Variants in GALNT13 observed in about 807,000 individuals in gnomAD.
GALNT13 encodes UDP-GalNAc:polypeptide N-acetylgalactosaminyltransferase 13.
Under a neutral mutation model 64.2 loss-of-function variants are expected in GALNT13, and 28 were observed. The ratio of observed to expected loss-of-function variants is 0.44; its 90% confidence interval spans 0.32 to 0.60. GALNT13 has a LOEUF of 0.60. GALNT13 is among the 20% of genes least tolerant of loss of function. GALNT13 has a pLI of 0.05. For synonymous variants in GALNT13, 214 were observed against 224.6 expected (o/e 0.95, Z 0.42); for missense variants, 577 against 669.8 (o/e 0.86, Z 1.53).
intron 3 of GALNT13, among the ~76,000 whole-genome samples, chr2:154,128,102 T>C (rs1260078926): frequency 2.0e-5 from 3 of 152,068 alleles, no homozygotes; most frequent in African/African-American, 7.2e-5. Context: ...CAGGGTATGT[T>C]TGACAATGTT....
rs150006250 is a variant in GALNT13, at chr2:154,119,278, G to T, written c.143-21059G>T. ...ATTCAAATTTCTCTTGGCCTGTAGG[G>T]TTTCTTCTAAGAAATATGTTGACAG... On this transcript the variant is annotated intron_variant, in intron 3 of 12. Coordinates refer to ENST00000392825, the MANE Select transcript of GALNT13 (RefSeq NM_052917.4). 7.0e-3 allele frequency among the ~76,000 whole-genome samples: 1,062 copies of T among 152,156 alleles called. 11 individuals carry two copies. Among genetic ancestry groups the T allele is most frequent in the African/African-American group, 0.024 (979 of 41,512 alleles).
At chr2:153,162,883 G>C in the GALNT13 span, among the ~76,000 whole-genome samples, 27 of 152,224 alleles carry the variant, frequency 1.8e-4, no homozygotes, top group Admixed American at 3.3e-4. Flanking sequence ...AGTATGCTGA[G>C]GTGACATCAA....
the GALNT13 span, among the ~76,000 whole-genome samples, chr2:153,451,098 CAAAAAGTATTAT>C: frequency 3.9e-5 from 6 of 151,948 alleles, no homozygotes; most frequent in African/African-American, 1.5e-4. Context: ...CAGCCTCCAT[CAAAAAGTATTAT>C]AATTAAGTAT....
chr2:154,383,363 G>A (rs914751833), intron 9 of GALNT13, among the ~76,000 whole-genome samples: 8 of 151,680 alleles, frequency 5.3e-5, no homozygotes, highest in Non-Finnish European at 1.2e-4. Context: ...TGTATAAATA[G>A]AAATCTTTAG....
In GALNT13 at chr2:154,014,551, G is replaced by C. The variant is rs139279309; in HGVS notation, c.142+69912G>C. Reference sequence around the variant, plus strand: ...GTATTCCCAGTGCCTGGCTGTGTCAGGTCAGCCATCTTGGCTCTTTCCTCT... The same window carrying C: ...GTATTCCCAGTGCCTGGCTGTGTCACGTCAGCCATCTTGGCTCTTTCCTCT... On this transcript the variant is annotated intron_variant, in intron 3 of 12. Transcript: ENST00000392825. 3.9e-3 allele frequency among the ~76,000 whole-genome samples: 579 copies of C among 146,672 alleles called. 2 individuals carry two copies. Among genetic ancestry groups the C allele is most frequent in the African/African-American group, 0.014 (555 of 39,502 alleles).
the GALNT13 span, among the ~76,000 whole-genome samples, chr2:153,162,998 C>A: frequency 6.6e-6 from 1 of 152,058 alleles, no homozygotes; most frequent in African/African-American, 2.4e-5. Context: ...GACAGTGAGG[C>A]CAGAAGAAGA....
intron 1 of GALNT13, among the ~76,000 whole-genome samples, chr2:153,884,829 G>A (rs150271839): frequency 3.0e-3 from 196 of 66,224 alleles, no homozygotes; most frequent in South Asian, 4.1e-3. Flanking sequence ...GTATATATAT[G>A]TGTGTGTGTG....
intron 4 of GALNT13, among the ~76,000 whole-genome samples, chr2:154,143,548 AT>A (rs59907351): frequency 0.75 from 111,604 of 148,560 alleles, 42,079 homozygotes; most frequent in East Asian, 0.94. Context: ...ATAGCCAGTG[AT>A]TTTTTTTTTT....
intron 11 of GALNT13, among the ~76,000 whole-genome samples, chr2:154,413,166 C>T (rs1157064320): frequency 6.6e-6 from 1 of 151,820 alleles, no homozygotes; most frequent in Non-Finnish European, 1.5e-5. Flanking sequence ...GAATCTATAG[C>T]CAGTTAATTA....
At chr2:154,284,733 CG>C (rs1383654727) in intron 8 of GALNT13, among the ~76,000 whole-genome samples, 1 of 152,086 alleles carries the variant, frequency 6.6e-6, no homozygotes, top group Non-Finnish European at 1.5e-5. Flanking sequence ...TGGATCATAT[CG>C]TAATTCCAGT....
At chr2:154,151,382 A>C (rs1342175075) in intron 4 of GALNT13, among the ~76,000 whole-genome samples, 3 of 152,062 alleles carry the variant, frequency 2.0e-5, no homozygotes, top group African/African-American at 7.2e-5. Flanking sequence ...GGTGTGGTGC[A>C]GTGCTGAAAA....
chr2:153,630,688 TAAA>T, the GALNT13 span, among the ~76,000 whole-genome samples: 1 of 122,962 alleles, frequency 8.1e-6, no homozygotes, highest in African/African-American at 3.0e-5. Context: ...TAAAAAAAAT[TAAA>T]AAAAATTAAT....
chr2:154,369,669 A>G (rs573082506), intron 9 of GALNT13, among the ~76,000 whole-genome samples: 1 of 152,276 alleles, frequency 6.6e-6, no homozygotes, highest in South Asian at 2.1e-4. Context: ...TTAAGTTTCA[A>G]CATGAGGTTT....
chr2:153,629,604 T>TA, the GALNT13 span, among the ~76,000 whole-genome samples: 1 of 152,122 alleles, frequency 6.6e-6, no homozygotes, highest in South Asian at 2.1e-4. Flanking sequence ...ACTTCATGTC[T>TA]AAAACACCAA....
intron 11 of GALNT13, among the ~76,000 whole-genome samples, chr2:154,428,449 T>A (rs1700563847): frequency 6.6e-6 from 1 of 152,214 alleles, no homozygotes; most frequent in Non-Finnish European, 1.5e-5. Context: ...ATGATAGAGC[T>A]GCACCAAATA....
chr2:153,528,708 G>A, the GALNT13 span, among the ~76,000 whole-genome samples: 1 of 151,824 alleles, frequency 6.6e-6, no homozygotes, highest in African/African-American at 2.4e-5. Flanking sequence ...AAAACCCTGA[G>A]TAATATCAAC....
At chr2:153,721,660 C>A in the GALNT13 span, among the ~76,000 whole-genome samples, 1 of 151,196 alleles carries the variant, frequency 6.6e-6, no homozygotes, top group Admixed American at 6.6e-5. Flanking sequence ...GGGTTGCAAT[C>A]CTAGTCTCTG....
chr2:153,278,734 TATC>T, the GALNT13 span, among the ~76,000 whole-genome samples: 1 of 152,230 alleles, frequency 6.6e-6, no homozygotes, highest in Non-Finnish European at 1.5e-5. Flanking sequence ...TACAACAAAG[TATC>T]ATGCTTTGTT....
chr2:154,407,131 A>G (rs1036757060), intron 10 of GALNT13, among the ~76,000 whole-genome samples: 3 of 152,228 alleles, frequency 2.0e-5, no homozygotes, highest in South Asian at 2.1e-4. Context: ...AGCCTTACAA[A>G]CAATTCAAGC....
Sources: gnomAD v4.1 joint callset for allele counts (sites outside exome capture counted in the v4.1 genomes callset) on GRCh38, gnomAD v4.1.1 for gene constraint, MANE v1.5 for transcripts, NCBI Gene and HGNC (gene_info 2026-07-23, HGNC 2026-07-21) for gene names.